The following LINS1 variants were observed in gnomAD, a reference collection of about 807,000 sequenced individuals.
LINS1 encodes lines homolog 1.
A neutral mutation model predicts 41.6 loss-of-function variants in LINS1; 27 were observed. That is an observed-to-expected ratio of 0.65 (90% CI 0.48 to 0.89). The LOEUF (loss-of-function observed/expected upper bound fraction) is 0.89, where lower values mean the gene tolerates loss of function less well. LINS1 is among the 40% of genes least tolerant of loss of function. The probability of loss-of-function intolerance (pLI) is 0.00; values close to 1 mark genes in which losing one functional copy is unlikely to be tolerated. For synonymous variants in LINS1, 336 were observed against 312.9 expected (o/e 1.07, Z -0.78); for missense variants, 955 against 884.1 (o/e 1.08, Z -1.02).
At chr15:100,579,587 G>A (rs1307878456) in intron 3 of LINS1, among the ~76,000 whole-genome samples, 1 of 151,900 alleles carries the variant, frequency 6.6e-6, no homozygotes, top group Non-Finnish European at 1.5e-5. Flanking sequence ...ATTTTCTACT[G>A]TAATATCACT....
At chr15:100,593,612 G>C (rs1423712563) in intron 1 of LINS1, among the ~76,000 whole-genome samples, 1 of 151,558 alleles carries the variant, frequency 6.6e-6, no homozygotes, top group African/African-American at 2.4e-5. Context: ...AGAAAACTAA[G>C]AGAGATGTTA....
chr15:100,592,307 C>G (rs575315008), intron 1 of LINS1, among the ~76,000 whole-genome samples: 128 of 152,284 alleles, frequency 8.4e-4, no homozygotes, highest in Middle Eastern at 6.8e-3. Flanking sequence ...TTTCTTTGTT[C>G]AAGACGCCAA....
chr15:100,570,551 G>GT (rs1322787849), intron 6 of LINS1: 1 of 155,536 alleles, frequency 6.4e-6, no homozygotes, highest in African/African-American at 2.4e-5. Flanking sequence ...ACCCAAGTGG[G>GT]TTAATCAGGT....
chr15:100,582,082 T>TA (rs1176295675), intron 1 of LINS1, among the ~76,000 whole-genome samples: 1 of 152,254 alleles, frequency 6.6e-6, no homozygotes, highest in African/African-American at 2.4e-5. Context: ...GTCTACCACT[T>TA]ACACTGGGTC....
intron 3 of LINS1, among the ~76,000 whole-genome samples, chr15:100,579,383 TC>T (rs1029704292): frequency 8.1e-6 from 1 of 122,944 alleles, no homozygotes; most frequent in African/African-American, 2.9e-5. Flanking sequence ...CAACATTTTA[TC>T]TTTATACCTT....
intron 4 of LINS1, among the ~76,000 whole-genome samples, chr15:100,574,465 C>T (rs113607116): frequency 0.017 from 2,546 of 152,194 alleles, 71 homozygotes; most frequent in African/African-American, 0.059. Flanking sequence ...CCCAGCACTT[C>T]GGGAGGCCGA....
chr15:100,586,538 CT>C, intron 1 of LINS1, among the ~76,000 whole-genome samples: 1 of 152,248 alleles, frequency 6.6e-6, no homozygotes, highest in African/African-American at 2.4e-5. Flanking sequence ...GGATTTCTTG[CT>C]TTTTGGGGTT....
chr15:100,579,178 A>T (rs1328859343), intron 3 of LINS1, among the ~76,000 whole-genome samples: 3 of 151,522 alleles, frequency 2.0e-5, no homozygotes, highest in South Asian at 2.1e-4. Flanking sequence ...GTATAATAAA[A>T]ATATATATAT....
chr15:100,580,348 C>G lies in LINS1; in HGVS notation c.404G>C (p.Cys135Ser). Residue 135 changes from cysteine to serine, a missense_variant, in exon 3 of 7, where the codon TGC becomes TCC. Cys to Ser is a moderately radical substitution (Grantham distance 112, BLOSUM62 -1). Coordinates refer to ENST00000314742, the MANE Select transcript of LINS1 (RefSeq NM_001040616.3). ...CAATTTATCTGAATTTTGGAACATG[C>G]AGATCTACAGGAAAACAAATATAAT... is the stretch of plus-strand genomic sequence containing the variant. ...ESAKVDSKLI[C>S]MFQNSDKLLS... The G allele has an allele frequency of 4.3e-6, 7 of 1,611,830 alleles. No individual in the cohort carries two copies. Among genetic ancestry groups the G allele is most frequent in the Non-Finnish European group, 5.9e-6 (7 of 1,178,306 alleles).
chr15:100,575,936 A>T (rs2038148603), intron 3 of LINS1, among the ~76,000 whole-genome samples: 1 of 152,250 alleles, frequency 6.6e-6, no homozygotes, highest in Admixed American at 6.5e-5. Context: ...TGGGTACATA[A>T]TGAAATGAAG....
chr15:100,574,212 C>T lies in LINS1; in HGVS notation c.661G>A (p.Asp221Asn), dbSNP rs1567718073. The change falls in exon 5 of 7, where the codon GAC becomes AAC. Residue 221 changes from aspartate to asparagine, a missense_variant. Coordinates refer to ENST00000314742, the MANE Select transcript of LINS1 (RefSeq NM_001040616.3). ...EILKQFLTHFDTIFEVFYNSL... is the reference protein window; with the variant it reads ...EILKQFLTHFNTIFEVFYNSL... ...TTGTAAAACACTTCAAAAATGGTGTCGAAATGAGTCAGGAACTGCTTTAGA... is the reference window on the plus strand; with the variant it reads ...TTGTAAAACACTTCAAAAATGGTGTTGAAATGAGTCAGGAACTGCTTTAGA... The T allele has an allele frequency of 3.7e-6, 6 of 1,611,250 alleles. No homozygotes were observed. Among genetic ancestry groups the T allele is most frequent in the Non-Finnish European group, 4.2e-6 (5 of 1,177,926 alleles).
rs1238063481 is a variant in LINS1 at position 100,567,484 on chromosome 15, T to C, written c.*1754A>G. The stretch of plus-strand genomic sequence containing the variant: ...ACATGCACAAAAGCATATATATGAA[T>C]GTGTATTACTCCCGCCCTGCTTCTT... On this transcript the variant is annotated 3_prime_UTR_variant, in exon 7 of 7. Coordinates refer to ENST00000314742, the MANE Select transcript of LINS1 (RefSeq NM_001040616.3). 6.6e-6 allele frequency: 1 copy of C among 152,240 alleles called. No homozygotes were observed. Among genetic ancestry groups the C allele is most frequent in the Non-Finnish European group, 1.5e-5 (1 of 68,046 alleles). The allele number at this position is 152,240 out of a possible 1,614,324, so 9.4% of individuals were successfully genotyped here. A position where few individuals can be genotyped will look rare whatever the true frequency, so the allele number is the denominator to read the frequency against.
rs755711592 is a variant in LINS1, at chr15:100,569,630, C to T, written c.1882G>A (p.Asp628Asn). The change falls in exon 7 of 7, where the codon GAT becomes AAT. Residue 628 changes from aspartate (D) to asparagine (N), a missense_variant. Physicochemically the swap from Asp to Asn is conservative, Grantham distance 23. Transcript: ENST00000314742. ...SSPRASQSLV[D>N]YDSSDDSDVE... ...TCAGAATCGTCAGAGCTGTCGTAAT[C>T]TACCAGACTTTGAGAGGCCCGGGGG... is the stretch of plus-strand genomic sequence containing the variant. The T allele has an allele frequency of 6.2e-7, 1 of 1,613,164 alleles. No homozygotes were observed. Among genetic ancestry groups the T allele is most frequent in the South Asian group, 1.1e-5 (1 of 91,030 alleles).
chr15:100,597,044 T>C (rs1337006742), intron 1 of LINS1: 1 of 152,260 alleles, frequency 6.6e-6, no homozygotes, highest in Non-Finnish European at 1.5e-5. Flanking sequence ...ATCATGCCTG[T>C]CTGCGTAGCG....
At chr15:100,579,040 G>A (rs1240302852) in intron 3 of LINS1, among the ~76,000 whole-genome samples, 6 of 152,088 alleles carry the variant, frequency 3.9e-5, no homozygotes, top group African/African-American at 1.2e-4. Flanking sequence ...TAGGGGGAGG[G>A]GGAAGGGATA....
chr15:100,597,415 T>C (rs919197631), intron 1 of LINS1, among the ~76,000 whole-genome samples: 3 of 152,150 alleles, frequency 2.0e-5, no homozygotes, highest in Non-Finnish European at 4.4e-5. Context: ...AGAACACAAA[T>C]GGCTGGGCCC....
At chr15:100,574,600 C>T (rs34628279) in intron 4 of LINS1, among the ~76,000 whole-genome samples, 37,618 of 152,036 alleles carry the variant, frequency 0.25, 4,809 homozygotes, top group Non-Finnish European at 0.27. Flanking sequence ...CCCAGCTACT[C>T]GGGAGGCTGA....
chr15:100,577,477 G>A (rs2038255632), intron 3 of LINS1, among the ~76,000 whole-genome samples: 1 of 152,132 alleles, frequency 6.6e-6, no homozygotes, highest in African/African-American at 2.4e-5. Flanking sequence ...GGATGTGAAG[G>A]ACCTCTTCAA....
At chr15:100,596,642 TTTC>T (rs1294572166) in intron 1 of LINS1, among the ~76,000 whole-genome samples, 1 of 152,180 alleles carries the variant, frequency 6.6e-6, no homozygotes, top group African/African-American at 2.4e-5. Flanking sequence ...CCCCAAATCA[TTTC>T]TTTTCTAACA....
Sources: allele counts gnomAD v4.1 joint callset (sites outside exome capture counted in the v4.1 genomes callset), GRCh38; gene constraint gnomAD v4.1.1; transcripts MANE v1.5; gene names NCBI Gene and HGNC (gene_info 2026-07-23, HGNC 2026-07-21).